The following ADCY5 variants were observed in gnomAD, a reference collection of about 807,000 sequenced individuals.
ADCY5 encodes the protein adenylate cyclase 5.
In ADCY5, 30 loss-of-function variants were observed where a neutral mutation model predicts 119.7. The ratio of observed to expected loss-of-function variants is 0.25; its 90% CI spans 0.19 to 0.34. The LOEUF (loss-of-function observed/expected upper bound fraction) is 0.34, where lower values mean the gene tolerates loss of function less well. Among genes scored for constraint, ADCY5 ranks in the 10% least tolerant of loss-of-function variants. The pLI, the probability that ADCY5 is intolerant of heterozygous loss-of-function variation, is 1.00. For missense variants in ADCY5, 1,324 were observed against 1,775.2 expected (o/e 0.75, Z 4.57); for synonymous variants, 753 against 762.2 (o/e 0.99, Z 0.20).
chr3:123,335,727 C>T (rs545968413), intron 3 of ADCY5, among the ~76,000 whole-genome samples: 15 of 152,000 alleles, frequency 9.9e-5, no homozygotes, highest in Non-Finnish European at 2.2e-4. Flanking sequence ...TCTTTTTTTC[C>T]ACAGGGCCTG....
chr3:123,399,164 T>C (rs999708882), intron 1 of ADCY5, among the ~76,000 whole-genome samples: 4 of 152,240 alleles, frequency 2.6e-5, no homozygotes, highest in Non-Finnish European at 5.9e-5. Context: ...GAATGTTCCA[T>C]AGATACCAGA....
Position 123,300,149 on chromosome 3 carries a change from G to A in ADCY5, c.2871C>T (p.Asn957=), listed in dbSNP as rs142142140. 177 of 1,613,790 alleles carry A rather than the reference G, an allele frequency of 1.1e-4. No individual in the cohort carries two copies. Among genetic ancestry groups the A allele is most frequent in the Non-Finnish European group, 8.9e-5 (105 of 1,180,042 alleles). ...CGTTGGCGGTGACCAGCAGGTCGGC[G>A]TTGTCGAAGAGCGTGACACCTGGCA... ...VEVPGVTLFD[N]ADLLVTANAI... is the part of the protein sequence containing the mutation. Residue 957 remains asparagine, a synonymous_variant, in exon 15 of 21, where the codon AAC becomes AAT. Transcript: ENST00000462833.
chr3:123,318,563 C>T (rs1320286183), intron 10 of ADCY5, among the ~76,000 whole-genome samples: 1 of 152,204 alleles, frequency 6.6e-6, no homozygotes, highest in Admixed American at 6.5e-5. Context: ...AAAGTCACAT[C>T]TGAGGCTCCC....
At chr3:123,324,404 CCACACACACACACACACACACACACACA>C (rs10522987) in intron 8 of ADCY5, among the ~76,000 whole-genome samples, 1,134 of 109,650 alleles carry the variant, frequency 0.01, 15 homozygotes, top group East Asian at 0.019. Context: ...CACACAGAAA[CCACACACACACACACACACACACACACA>C]CACACACACA....
chr3:123,295,758 C>T (rs1490757012), intron 17 of ADCY5, among the ~76,000 whole-genome samples: 1 of 152,188 alleles, frequency 6.6e-6, no homozygotes, highest in Non-Finnish European at 1.5e-5. Context: ...TCCCCTCTGT[C>T]CCTGCCTGGC....
chr3:123,330,494 A>G (rs1442265143), intron 5 of ADCY5, among the ~76,000 whole-genome samples: 3 of 152,200 alleles, frequency 2.0e-5, no homozygotes, highest in Non-Finnish European at 4.4e-5. Flanking sequence ...TATGAGCCCA[A>G]CCTTTCACAT....
At chr3:123,354,035 G>A (rs1409660074) in intron 1 of ADCY5, among the ~76,000 whole-genome samples, 2 of 152,098 alleles carry the variant, frequency 1.3e-5, no homozygotes, top group African/African-American at 2.4e-5. Context: ...TAGCTCCACT[G>A]ACTCAGACGA....
intron 12 of ADCY5, among the ~76,000 whole-genome samples, chr3:123,309,504 C>T (rs998256984): frequency 2.6e-5 from 4 of 152,166 alleles, no homozygotes; most frequent in African/African-American, 4.8e-5. Flanking sequence ...TTCCTAACTC[C>T]AGGATCTAGA....
chr3:123,289,621 G>T, intron 19 of ADCY5, 129 bp downstream of exon 19: 2 of 1,092,088 alleles, frequency 1.8e-6, no homozygotes, highest in South Asian at 1.4e-5. Flanking sequence ...CACCACATCA[G>T]CCTCTGCTGC....
At chr3:123,293,936 G>A (rs1323768847) in intron 17 of ADCY5, among the ~76,000 whole-genome samples, 1 of 152,170 alleles carries the variant, frequency 6.6e-6, no homozygotes, top group East Asian at 1.9e-4. Flanking sequence ...TCCCGGGCTG[G>A]AGCAGGGAAA....
chr3:123,288,424 G>A (rs1938921639), intron 19 of ADCY5, among the ~76,000 whole-genome samples: 1 of 152,228 alleles, frequency 6.6e-6, no homozygotes, highest in Non-Finnish European at 1.5e-5. Flanking sequence ...ACAAAGGCCT[G>A]CTCTTTCAGA....
At chr3:123,384,146 C>G (rs904926926) in intron 1 of ADCY5, among the ~76,000 whole-genome samples, 2 of 152,182 alleles carry the variant, frequency 1.3e-5, no homozygotes, top group South Asian at 2.1e-4. Flanking sequence ...CCATGTGACC[C>G]TTAAGATTCC....
chr3:123,305,681 T>C (rs1022218148), intron 12 of ADCY5, among the ~76,000 whole-genome samples: 3 of 152,232 alleles, frequency 2.0e-5, no homozygotes, highest in African/African-American at 7.2e-5. Flanking sequence ...ACTCATTAGC[T>C]TGTAAGTAGA....
intron 1 of ADCY5, among the ~76,000 whole-genome samples, chr3:123,414,448 C>T (rs1023919047): frequency 4.6e-5 from 7 of 152,336 alleles, no homozygotes; most frequent in Admixed American, 1.3e-4. Flanking sequence ...TTCCTTCAGC[C>T]GGTGATTTCC....
intron 1 of ADCY5, among the ~76,000 whole-genome samples, chr3:123,367,060 A>C (rs752007173): frequency 1.3e-5 from 2 of 152,234 alleles, no homozygotes; most frequent in Non-Finnish European, 2.9e-5. Flanking sequence ...GCAGCATATA[A>C]GCTACAGCTT....
At chr3:123,323,536 C>T (rs1941328455) in intron 8 of ADCY5, among the ~76,000 whole-genome samples, 1 of 152,268 alleles carries the variant, frequency 6.6e-6, no homozygotes, top group East Asian at 1.9e-4. Flanking sequence ...CCCCTCCTCC[C>T]CATCTCCCTG....
intron 1 of ADCY5, among the ~76,000 whole-genome samples, chr3:123,383,176 A>C (rs4678017): frequency 0.47 from 71,805 of 151,666 alleles, 17,724 homozygotes; most frequent in East Asian, 0.68. Flanking sequence ...CACACACGTA[A>C]ACAGGAATGC....
chr3:123,435,671 G>A (rs925025344), intron 1 of ADCY5, among the ~76,000 whole-genome samples: 8 of 151,938 alleles, frequency 5.3e-5, no homozygotes, highest in African/African-American at 1.9e-4. Flanking sequence ...AGACAGGTTA[G>A]AGTATAAATG....
At chr3:123,386,705 G>A (rs1436243674) in intron 1 of ADCY5, among the ~76,000 whole-genome samples, 1 of 152,064 alleles carries the variant, frequency 6.6e-6, no homozygotes, top group African/African-American at 2.4e-5. Context: ...TTTCAAGGAC[G>A]TCCAGGAAAC....
Sources: allele counts gnomAD v4.1 joint callset (sites outside exome capture counted in the v4.1 genomes callset), GRCh38; gene constraint gnomAD v4.1.1; transcripts MANE v1.5; gene names NCBI Gene and HGNC (gene_info 2026-07-23, HGNC 2026-07-21).